Variants in ZNF805 observed in about 807,000 individuals in gnomAD.
The protein encoded by ZNF805 is zinc finger protein 805.
In ZNF805, 7 loss-of-function variants were observed where a neutral mutation model predicts 13.6. That is an observed-to-expected ratio of 0.51 (90% CI 0.29 to 0.97). The LOEUF is 0.97. ZNF805 is among the 50% of genes least tolerant of loss of function. The probability of loss-of-function intolerance (pLI) is 0.08; values close to 1 mark genes in which losing one functional copy is unlikely to be tolerated. For missense variants in ZNF805, 604 were observed against 771.0 expected (o/e 0.78, Z 2.57); for synonymous variants, 293 against 279.8 (o/e 1.05, Z -0.47).
At chr19:57,252,991 AT>A (rs1021537607) in intron 3 of ZNF805, 81 bp from the exon 4 acceptor site, 82 of 1,249,060 alleles carry the variant, frequency 6.6e-5, no homozygotes, top group South Asian at 2.3e-4. Flanking sequence ...TTATAACTTC[AT>A]TTTTTTTACT....
chr19:57,242,853 GT>G (rs2087588069), intron 1 of ZNF805, among the ~76,000 whole-genome samples: 2 of 152,266 alleles, frequency 1.3e-5, no homozygotes, highest in South Asian at 4.1e-4. Context: ...GATTATTGGG[GT>G]CACAGTATTA....
In ZNF805 at chr19:57,254,116, G is replaced by A. The variant is rs748549123; in HGVS notation, c.1297G>A (p.Gly433Arg). Residue 433 changes from glycine (G) to arginine (R), a missense_variant, in exon 4 of 4, where the codon GGA (glycine) becomes AGA (arginine). Gly to Arg is a moderately radical substitution (Grantham distance 125). Transcript: ENST00000414468. ...GAAGCCATATGTGTGTAGTGAATGC[G>A]GAAAGGCCTTCACCCACTGCTCTAC... ...GEKPYVCSEC[G>R]KAFTHCSTFI... is the part of the protein sequence containing the mutation. 5.0e-6 allele frequency: 8 copies of A among 1,613,878 alleles called. No homozygotes were observed. The highest frequency in any genetic ancestry group is 1.1e-5 in the South Asian group (1 of 91,062).
chr19:57,261,921 T>C lies in ZNF805; in HGVS notation c.*7218T>C, dbSNP rs376247606. On this transcript the variant is annotated 3_prime_UTR_variant, in exon 4 of 4. Coordinates refer to ENST00000414468, the MANE Select transcript of ZNF805 (RefSeq NM_001023563.4). ...ATGAAATCACACAGGATGTGCTTCATTGAAGCTCCATCTGGGACTTAAAAC... is the reference window on the plus strand; with the variant it reads ...ATGAAATCACACAGGATGTGCTTCACTGAAGCTCCATCTGGGACTTAAAAC... The C allele has an allele frequency of 7.8e-5, 13 of 167,094 alleles. No individual in the cohort carries two copies. Among genetic ancestry groups the C allele is most frequent in the Middle Eastern group, 3.4e-3 (1 of 296 alleles). The allele number at this position is 167,094 out of a possible 1,614,324, so 10.4% of individuals were successfully genotyped here.
rs1210081970 is a variant in ZNF805 at position 57,262,217 on chromosome 19, G to GTAA, written c.*7515_*7517dup. 3 of 166,962 alleles carry GTAA rather than the reference G, an allele frequency of 1.8e-5. No homozygotes were observed. Among genetic ancestry groups the GTAA allele is most frequent in the Non-Finnish European group, 4.4e-5 (3 of 68,112 alleles). The allele number at this position is 166,962 out of a possible 1,614,324, so 10.3% of individuals were successfully genotyped here. On this transcript the variant is annotated 3_prime_UTR_variant, in exon 4 of 4. Transcript: ENST00000414468. ...GGCCTGCTCTGTTCTCTTTTTCACA[G>GTAA]TAACTTAAATGGAAAAATGCTGAGT... is the stretch of plus-strand genomic sequence containing the variant.
Position 57,253,732 on chromosome 19 carries a change from C to T in ZNF805, c.913C>T (p.His305Tyr). The change falls in exon 4 of 4, where the codon CAT becomes TAT. Residue 305 changes from histidine (H) to tyrosine (Y), a missense_variant. Physicochemically the swap from His to Tyr is moderately conservative, Grantham distance 83 (BLOSUM62 2). This residue lies in a region of ZNF805 where 327 missense variants were observed against 378.2 expected (regional missense o/e 0.86). Transcript: ENST00000414468. This position sits in a 1 kb window ranked among gnomAD's most constrained non-coding sequence, Gnocchi z 4.4. ...CACCCACCGCTCCACTTTTGTCTTG[C>T]ATAACAGGAGCCACACTGGAGAAAA... ...AFTHRSTFVL[H>Y]NRSHTGEKPF... is the part of the protein sequence containing the mutation. The T allele has an allele frequency of 6.2e-7, 1 of 1,613,952 alleles. No homozygotes were observed. The highest frequency in any genetic ancestry group is 8.5e-7 in the Non-Finnish European group (1 of 1,180,006).
At chr19:57,251,177 A>G (rs188649228) in intron 3 of ZNF805, among the ~76,000 whole-genome samples, 1 of 152,272 alleles carries the variant, frequency 6.6e-6, no homozygotes, top group East Asian at 1.9e-4. Context: ...AGATTATGCA[A>G]ATGTTCTAGT....
chr19:57,251,008 A>G (rs992527428), intron 3 of ZNF805, among the ~76,000 whole-genome samples: 3 of 152,182 alleles, frequency 2.0e-5, no homozygotes, highest in African/African-American at 4.8e-5. Context: ...TTCAGTGTTC[A>G]TGGTTCACAG....
At chr19:57,245,935 C>T (rs1650564024) in intron 2 of ZNF805, among the ~76,000 whole-genome samples, 1 of 152,168 alleles carries the variant, frequency 6.6e-6, no homozygotes, top group African/African-American at 2.4e-5. Flanking sequence ...TGTGCTAAGG[C>T]GAGAAGCTCT....
At chr19:57,251,994 C>T in intron 3 of ZNF805, among the ~76,000 whole-genome samples, 1 of 152,164 alleles carries the variant, frequency 6.6e-6, no homozygotes, top group Non-Finnish European at 1.5e-5. Flanking sequence ...GTACCTCTGC[C>T]TTATGAGCTC....
At position 57,256,222 on chromosome 19, in the gene ZNF805, A is replaced by G. The variant is rs1443050258; in HGVS notation, c.*1519A>G. On this transcript the variant is annotated 3_prime_UTR_variant, in exon 4 of 4. Coordinates refer to ENST00000414468, the MANE Select transcript of ZNF805 (RefSeq NM_001023563.4). ...TAATTTTGTTTGTGTACTATGCTAC[A>G]GTATTTCATTTGCTAGTATTTTGTT... Among the ~76,000 whole-genome samples, 1 of 152,142 alleles carries G rather than the reference A, an allele frequency of 6.6e-6. No homozygotes were observed. Among genetic ancestry groups the G allele is most frequent in the Non-Finnish European group, 1.5e-5 (1 of 67,958 alleles).
Position 57,254,627 on chromosome 19 carries a change from T to G in ZNF805, c.1808T>G (p.Leu603Arg). Residue 603 changes from leucine to arginine, a missense_variant, in exon 4 of 4, where the codon CTT (leucine) becomes CGT (arginine). Coordinates refer to ENST00000414468, the MANE Select transcript of ZNF805 (RefSeq NM_001023563.4). ...TTGAATGTCACCACTGAGGAAAATC[T>G]TTTGCAAGAGGAAGCATCTTACATG... ...NFLNVTTEEN[L>R]LQEEASYMAS... The G allele has an allele frequency of 1.2e-6, 2 of 1,614,092 alleles. No homozygotes were observed. Among genetic ancestry groups the G allele is most frequent in the Non-Finnish European group, 1.7e-6 (2 of 1,179,982 alleles).
intron 1 of ZNF805, among the ~76,000 whole-genome samples, chr19:57,241,884 TCCCCTTCTCA>T (rs1318569816): frequency 1.2e-4 from 19 of 152,202 alleles, no homozygotes; most frequent in Admixed American, 2.6e-4. Flanking sequence ...ACTAAAGTAG[TCCCCTTCTCA>T]CCTGCCCTTG....
Position 57,246,834 on chromosome 19 carries a change from G to A in ZNF805, c.158-1771G>A, listed in dbSNP as rs1271788077. Among the ~76,000 whole-genome samples, 9 of 152,022 alleles carry A rather than the reference G, an allele frequency of 5.9e-5. No homozygotes were observed. The East Asian group carries it at 1.7e-3, about 29-fold the overall frequency. ...GTCCAGATCCCCAGAGCACTGATTG[G>A]GTGTCTCAGGCCTGTTCCAGGCAGT... On this transcript the variant is annotated intron_variant, in intron 2 of 3. Transcript: ENST00000414468.
chr19:57,248,485 C>T, intron 2 of ZNF805, 120 bp from the exon 3 acceptor site: 1 of 898,820 alleles, frequency 1.1e-6, no homozygotes, highest in Non-Finnish European at 1.7e-6. Flanking sequence ...TTTTTGTTCC[C>T]ATGGATGGGT....
chr19:57,259,716 C>T lies in ZNF805; in HGVS notation c.*5013C>T, dbSNP rs1288274245. ...AGAGACGGGGTTTCACTGTGTTAGCCAGGATGGTCTCGATTTCCTGATCTG... is the reference window on the plus strand; with the variant it reads ...AGAGACGGGGTTTCACTGTGTTAGCTAGGATGGTCTCGATTTCCTGATCTG... On this transcript the variant is annotated 3_prime_UTR_variant, in exon 4 of 4. Transcript: ENST00000414468. 6.6e-6 allele frequency among the ~76,000 whole-genome samples: 1 copy of T among 152,158 alleles called. No individual in the cohort carries two copies. The highest frequency in any genetic ancestry group is 2.4e-5 in the African/African-American group (1 of 41,432).
At position 57,255,108 on chromosome 19, in the gene ZNF805, T is replaced by G. The variant is rs778198158; in HGVS notation, c.*405T>G. The G allele has an allele frequency of 1.4e-4, 24 of 175,676 alleles. No individual in the cohort carries two copies. The highest frequency in any genetic ancestry group is 3.0e-4 in the Non-Finnish European group (22 of 73,662). 10.9% of individuals were successfully genotyped at this position (175,676 alleles called of 1,614,324 possible). On this transcript the variant is annotated 3_prime_UTR_variant, in exon 4 of 4. Transcript: ENST00000414468. ...CTTGAGTTATGAAATACTTTTATATTTAAGGATTAAAAGAAACATGAATGC... is the reference window on the plus strand; with the variant it reads ...CTTGAGTTATGAAATACTTTTATATGTAAGGATTAAAAGAAACATGAATGC...
At position 57,253,448 on chromosome 19, in the gene ZNF805, A is replaced by C; in HGVS notation, c.629A>C (p.Lys210Thr). The change falls in exon 4 of 4, where the codon AAA becomes ACA. Residue 210 changes from lysine (K) to threonine (T), a missense_variant. Coordinates refer to ENST00000414468, the MANE Select transcript of ZNF805 (RefSeq NM_001023563.4). This position sits in a 1 kb window ranked among gnomAD's most constrained non-coding sequence, Gnocchi z 4.4. ...ATCTTTAAATGCAATGAATGTGAAA[A>C]AGTGTTTAACAAGAAACGCCTGCTT... Reference protein sequence around the residue: ...ENIFKCNECEKVFNKKRLLAR... With the variant: ...ENIFKCNECETVFNKKRLLAR... The C allele has an allele frequency of 3.2e-6, 5 of 1,576,388 alleles. No homozygotes were observed. The highest frequency in any genetic ancestry group is 1.2e-5 in the South Asian group (1 of 86,852).
intron 2 of ZNF805, among the ~76,000 whole-genome samples, chr19:57,245,432 A>G (rs532854214): frequency 2.0e-5 from 3 of 152,176 alleles, no homozygotes; most frequent in Non-Finnish European, 4.4e-5. Context: ...AACAGGGACG[A>G]TGTTGAGCTT....
chr19:57,248,826 C>G, intron 3 of ZNF805, 126 bp downstream of exon 3: 1 of 868,830 alleles, frequency 1.2e-6, no homozygotes, highest in Non-Finnish European at 1.9e-6. Flanking sequence ...AGCCTTGGAG[C>G]CCTTTAACCT....
Sources: allele counts gnomAD v4.1 joint callset (sites outside exome capture counted in the v4.1 genomes callset), GRCh38; gene constraint gnomAD v4.1.1; regional missense constraint gnomAD v4.1.1; non-coding constraint Gnocchi (gnomAD v3.1); transcripts MANE v1.5; gene names NCBI Gene and HGNC (gene_info 2026-07-23, HGNC 2026-07-21).